Variants in DENND2A observed in about 807,000 individuals in gnomAD.
The protein encoded by DENND2A is DENN domain-containing protein 2A.
DENND2A carries 53 observed loss-of-function variants against 105.3 expected under a neutral mutation model. That is an observed-to-expected ratio of 0.50 (90% CI 0.40 to 0.63). The LOEUF (loss-of-function observed/expected upper bound fraction) is 0.63. Ranked by LOEUF, DENND2A falls within the 30% of genes least tolerant of loss-of-function variation. DENND2A has a pLI of 0.00. For synonymous variants in DENND2A, 522 were observed against 508.4 expected (o/e 1.03, Z -0.36); for missense variants, 1,138 against 1,279.6 (o/e 0.89, Z 1.69).
intron 3 of DENND2A, among the ~76,000 whole-genome samples, chr7:140,597,222 A>C (rs769111352): frequency 6.6e-6 from 1 of 152,230 alleles, no homozygotes; most frequent in Non-Finnish European, 1.5e-5. Context: ...GAGGTGAAAT[A>C]ATTGGCCTAT....
chr7:140,528,211 A>G (rs1467803575), intron 14 of DENND2A, among the ~76,000 whole-genome samples: 1 of 152,194 alleles, frequency 6.6e-6, no homozygotes, highest in Admixed American at 6.5e-5. Context: ...AAACAAAAAC[A>G]CAAACGGTGA....
At chr7:140,571,398 G>A (rs187332267) in intron 6 of DENND2A, among the ~76,000 whole-genome samples, 1 of 152,312 alleles carries the variant, frequency 6.6e-6, no homozygotes, top group Non-Finnish European at 1.5e-5. Context: ...CTGACCTGAA[G>A]TGATCTGCCC....
At chr7:140,518,825 G>A (rs1563112162) in intron 19 of DENND2A, 87 bp from the exon 20 acceptor site, 1 of 1,400,754 alleles carries the variant, frequency 7.1e-7, no homozygotes. Context: ...AAGTGGTGCG[G>A]GTAACGGGGC....
At chr7:140,580,306 T>TATGCATGTATGTATGC (rs1554472936) in intron 5 of DENND2A, among the ~76,000 whole-genome samples, 3 of 151,666 alleles carry the variant, frequency 2.0e-5, no homozygotes, top group African/African-American at 7.3e-5. Flanking sequence ...TGTATGCATG[T>TATGCATGTATGTATGC]ATGTATGCAT....
chr7:140,564,010 T>C lies in DENND2A; in HGVS notation c.1779+3076A>G, dbSNP rs117681000. Reference sequence around the variant, plus strand: ...CAAAAATACACACACAGGCAGGGCATAGTGGCTCATGCCTGTAATCACAGG... The same window carrying C: ...CAAAAATACACACACAGGCAGGGCACAGTGGCTCATGCCTGTAATCACAGG... On this transcript the variant is annotated intron_variant, in intron 9 of 19. Coordinates refer to ENST00000496613, the MANE Select transcript of DENND2A (RefSeq NM_015689.5). Among the ~76,000 whole-genome samples, 23 of 151,944 alleles carry C rather than the reference T, an allele frequency of 1.5e-4. No individual in the cohort carries two copies. In the East Asian group the frequency reaches 3.7e-3, roughly 24 times the overall value.
At chr7:140,612,836 C>T (rs983587027) in intron 1 of DENND2A, among the ~76,000 whole-genome samples, 1 of 151,700 alleles carries the variant, frequency 6.6e-6, no homozygotes, top group African/African-American at 2.4e-5. Context: ...GGTTGAGGGC[C>T]GGGCGCAGTG....
chr7:140,542,625 C>T (rs375329475), intron 14 of DENND2A, among the ~76,000 whole-genome samples: 62 of 142,682 alleles, frequency 4.3e-4, no homozygotes, highest in East Asian at 1.7e-3. Context: ...AGTGCAATGG[C>T]GCAATCTCAG....
At chr7:140,556,847 A>G (rs1156343603) in intron 11 of DENND2A, among the ~76,000 whole-genome samples, 3 of 152,192 alleles carry the variant, frequency 2.0e-5, no homozygotes, top group African/African-American at 4.8e-5. Context: ...AAGATTCACC[A>G]TTACTGAAGA....
intron 12 of DENND2A, among the ~76,000 whole-genome samples, chr7:140,551,098 C>T (rs1336520301): frequency 2.6e-5 from 4 of 150,978 alleles, no homozygotes; most frequent in Non-Finnish European, 5.9e-5. Context: ...GTCAAGAGTT[C>T]GAGACCAGCC....
rs185615788 is a variant in DENND2A at position 140,631,715 on chromosome 7, G to A, written c.-248+8789C>T. Reference sequence around the variant, plus strand: ...GACAGTCACCACAAGATGCCAGGGAGTTATATTTGGGGTTGGATGACCACA... The same window carrying A: ...GACAGTCACCACAAGATGCCAGGGAATTATATTTGGGGTTGGATGACCACA... On this transcript the variant is annotated intron_variant, in intron 1 of 19. Coordinates refer to ENST00000496613, the MANE Select transcript of DENND2A (RefSeq NM_015689.5). 3.3e-5 allele frequency among the ~76,000 whole-genome samples: 5 copies of A among 152,296 alleles called. No homozygotes were observed. The East Asian group carries it at 9.6e-4, about 29-fold the overall frequency.
rs1797496682 is a variant in DENND2A, at chr7:140,558,801, T to G, written c.1890-589A>C. Among the ~76,000 whole-genome samples the G allele has an allele frequency of 3.3e-5, 3 of 90,858 alleles. No homozygotes were observed. The South Asian group carries it at 1.4e-3, about 42-fold the overall frequency. The allele number at this position is 90,858 out of a possible 152,430, so 59.6% of individuals were successfully genotyped here. A position where few individuals can be genotyped will look rare whatever the true frequency, so the allele number is the denominator to read the frequency against. ...TTTCCATCCTGGGCTATCCTGTCAT[T>G]TTCTCTTTTTTTTTTTTTCAAGATG... is the stretch of plus-strand genomic sequence containing the variant. On this transcript the variant is annotated intron_variant, in intron 10 of 19. Transcript: ENST00000496613.
intron 12 of DENND2A, among the ~76,000 whole-genome samples, chr7:140,549,351 C>T (rs985029093): frequency 6.6e-6 from 1 of 152,086 alleles, no homozygotes; most frequent in Non-Finnish European, 1.5e-5. Flanking sequence ...ACCTCTGCCT[C>T]CTAGCAAGCA....
chr7:140,522,161 G>T, intron 17 of DENND2A, 61 bp from the exon 18 acceptor site: 4 of 1,586,004 alleles, frequency 2.5e-6, no homozygotes, highest in South Asian at 1.1e-5. Flanking sequence ...CAGAGCCCTT[G>T]AGACAAGCCA....
chr7:140,518,571 G>A lies in DENND2A; in HGVS notation c.*136C>T. The A allele has an allele frequency of 1.2e-6, 1 of 866,166 alleles. No individual in the cohort carries two copies. The highest frequency in any genetic ancestry group is 2.7e-5 in the Admixed American group (1 of 37,598). The allele number at this position is 866,166 out of a possible 1,614,324, so 53.7% of individuals were successfully genotyped here. On this transcript the variant is annotated 3_prime_UTR_variant, in exon 20 of 20. Transcript: ENST00000496613. ...AGGTCCTCATCCAGGGAAGAGCCCA[G>A]CCTCGGCCAGAAGCCACCGCGGCCT...
At chr7:140,548,468 G>A (rs1796992616) in intron 12 of DENND2A, among the ~76,000 whole-genome samples, 1 of 151,912 alleles carries the variant, frequency 6.6e-6, no homozygotes, top group Non-Finnish European at 1.5e-5. Context: ...GCTGCAATGA[G>A]CTATGATCAT....
Position 140,637,858 on chromosome 7 carries a change from C to T in DENND2A, c.-248+2646G>A, listed in dbSNP as rs139517084. Reference sequence around the variant, plus strand: ...TCCCTTTATGGTTGAGCACCCCGGACGCCTTGCTCTCTACATTCACAGAGA... The same window carrying T: ...TCCCTTTATGGTTGAGCACCCCGGATGCCTTGCTCTCTACATTCACAGAGA... On this transcript the variant is annotated intron_variant, in intron 1 of 19. Coordinates refer to ENST00000496613, the MANE Select transcript of DENND2A (RefSeq NM_015689.5). 1.7e-4 allele frequency among the ~76,000 whole-genome samples: 26 copies of T among 152,214 alleles called. No homozygotes were observed. In the East Asian group the frequency reaches 3.9e-3, roughly 23 times the overall value.
In DENND2A at chr7:140,518,544, C is replaced by T; in HGVS notation, c.*163G>A. ...CTGGGGCTGTCCTCCCAGGCGGCTC[C>T]CAGGTCCTCATCCAGGGAAGAGCCC... On this transcript the variant is annotated 3_prime_UTR_variant, in exon 20 of 20. Coordinates refer to ENST00000496613, the MANE Select transcript of DENND2A (RefSeq NM_015689.5). 4.8e-6 allele frequency: 3 copies of T among 624,802 alleles called. No homozygotes were observed. Among genetic ancestry groups the T allele is most frequent in the Non-Finnish European group, 8.0e-6 (3 of 373,606 alleles). The allele number at this position is 624,802 out of a possible 1,614,324, so 38.7% of individuals were successfully genotyped here. A position where few individuals can be genotyped will look rare whatever the true frequency, so the allele number is the denominator to read the frequency against.
Position 140,618,943 on chromosome 7 carries a change from C to T in DENND2A, c.-247-13137G>A, listed in dbSNP as rs1431577617. Among the ~76,000 whole-genome samples the T allele has an allele frequency of 4.6e-5, 7 of 152,170 alleles. No individual in the cohort carries two copies. The South Asian group carries it at 1.0e-3, about 23-fold the overall frequency. ...CCTCCAGAGTAGCTGGGACTATAGG[C>T]GCCCGCCTCCACGCCCAGCTAATTT... On this transcript the variant is annotated intron_variant, in intron 1 of 19. Transcript: ENST00000496613.
At chr7:140,538,852 C>T (rs1419749784) in intron 14 of DENND2A, among the ~76,000 whole-genome samples, 2 of 151,952 alleles carry the variant, frequency 1.3e-5, no homozygotes, top group Non-Finnish European at 2.9e-5. Flanking sequence ...GAGACAGAGT[C>T]TCGCTCTGTT....
Sources: gnomAD v4.1 joint callset for allele counts (sites outside exome capture counted in the v4.1 genomes callset) on GRCh38, gnomAD v4.1.1 for gene constraint, MANE v1.5 for transcripts, NCBI Gene and HGNC (gene_info 2026-07-23, HGNC 2026-07-21) for gene names.